Variants in CDH12 observed in about 807,000 individuals in gnomAD.
The protein encoded by CDH12 is cadherin 12.
Under a neutral mutation model 74.1 loss-of-function variants are expected in CDH12, and 41 were observed. That is an observed-to-expected ratio of 0.55 (90% CI 0.43 to 0.72). The LOEUF is 0.72. Ranked by LOEUF, CDH12 falls within the 30% of genes least tolerant of loss-of-function variation. The probability of loss-of-function intolerance (pLI) is 0.00; values close to 1 mark genes in which losing one functional copy is unlikely to be tolerated. For missense variants in CDH12, 945 were observed against 977.2 expected (o/e 0.97, Z 0.44); for synonymous variants, 399 against 355.0 (o/e 1.12, Z -1.39).
chr5:22,471,538 C>T (rs548107023), intron 2 of CDH12, among the ~76,000 whole-genome samples: 2 of 152,278 alleles, frequency 1.3e-5, no homozygotes, highest in East Asian at 1.9e-4. Flanking sequence ...ACATACAAGG[C>T]TACATTTGTT....
intron 6 of CDH12, among the ~76,000 whole-genome samples, chr5:21,929,708 G>A (rs557097515): frequency 6.6e-5 from 10 of 152,058 alleles, no homozygotes; most frequent in South Asian, 4.2e-4. Context: ...TTGTAGAGGC[G>A]GGGTTCACCA....
chr5:22,276,046 C>A (rs572733602), intron 3 of CDH12, among the ~76,000 whole-genome samples: 10 of 152,058 alleles, frequency 6.6e-5, no homozygotes, highest in Middle Eastern at 6.8e-3. Context: ...AAATCAATTT[C>A]TTTTATTCAT....
At chr5:22,833,624 T>G (rs58611176) in intron 1 of CDH12, among the ~76,000 whole-genome samples, 1 of 152,196 alleles carries the variant, frequency 6.6e-6, no homozygotes, top group African/African-American at 2.4e-5. Flanking sequence ...AACTAGGTCA[T>G]GGTTTCTTTT....
intron 3 of CDH12, among the ~76,000 whole-genome samples, chr5:22,213,952 T>C (rs1241778205): frequency 6.6e-6 from 1 of 151,920 alleles, no homozygotes; most frequent in Non-Finnish European, 1.5e-5. Flanking sequence ...CTTGCGTGTG[T>C]GTGTGAGAAA....
At chr5:22,624,570 C>T (rs1738169843) in intron 1 of CDH12, among the ~76,000 whole-genome samples, 1 of 152,196 alleles carries the variant, frequency 6.6e-6, no homozygotes, top group East Asian at 1.9e-4. Flanking sequence ...TGCTCATCAT[C>T]ACTGGCCATC....
intron 6 of CDH12, chr5:21,882,684 G>A (rs1752419864): frequency 6.3e-7 from 1 of 1,596,886 alleles, no homozygotes; most frequent in Non-Finnish European, 8.5e-7. Context: ...GTAAAATTTG[G>A]TGCAGATGCC....
At chr5:22,777,825 T>G (rs1238700565) in intron 1 of CDH12, among the ~76,000 whole-genome samples, 1 of 151,916 alleles carries the variant, frequency 6.6e-6, no homozygotes. Flanking sequence ...ATATCAATAT[T>G]TTTTTTGAGA....
rs534544377 is a variant in CDH12, at chr5:22,511,731, T to C, written c.-522-6367A>G. Among the ~76,000 whole-genome samples the C allele has an allele frequency of 3.3e-5, 5 of 152,350 alleles. No homozygotes were observed. The East Asian group carries it at 5.8e-4, about 18-fold the overall frequency. On this transcript the variant is annotated intron_variant, in intron 1 of 14. Transcript: ENST00000382254. Reference sequence around the variant, plus strand: ...ACCTGGACCGCAGGAATTCTGCTCCTATATGCATGTCTAAACAAAGTCTTG... The same window carrying C: ...ACCTGGACCGCAGGAATTCTGCTCCCATATGCATGTCTAAACAAAGTCTTG...
At chr5:22,234,320 T>TG (rs1752487931) in intron 3 of CDH12, among the ~76,000 whole-genome samples, 1 of 152,120 alleles carries the variant, frequency 6.6e-6, no homozygotes, top group African/African-American at 2.4e-5. Context: ...GGGAAGGACC[T>TG]GGAAAGGGGG....
At chr5:22,065,632 C>T (rs563239521) in intron 5 of CDH12, among the ~76,000 whole-genome samples, 2 of 152,196 alleles carry the variant, frequency 1.3e-5, no homozygotes, top group East Asian at 1.9e-4. Flanking sequence ...AGAGGACACA[C>T]CTTTCACCAC....
At chr5:22,208,890 T>C (rs1173291642) in intron 4 of CDH12, among the ~76,000 whole-genome samples, 1 of 152,234 alleles carries the variant, frequency 6.6e-6, no homozygotes, top group Non-Finnish European at 1.5e-5. Context: ...ACATATACTT[T>C]GTGTTTTCTG....
intron 10 of CDH12, among the ~76,000 whole-genome samples, chr5:21,800,716 T>C (rs898151801): frequency 6.6e-6 from 1 of 152,190 alleles, no homozygotes; most frequent in African/African-American, 2.4e-5. Flanking sequence ...TTGTAATCCC[T>C]ACATGTTGAA....
intron 5 of CDH12, among the ~76,000 whole-genome samples, chr5:22,038,323 C>G (rs894799995): frequency 2.0e-5 from 3 of 152,114 alleles, no homozygotes; most frequent in Non-Finnish European, 4.4e-5. Flanking sequence ...TGGAGCCACC[C>G]CACTCCCAGT....
At chr5:22,477,914 G>T (rs887715058) in intron 2 of CDH12, among the ~76,000 whole-genome samples, 8 of 152,100 alleles carry the variant, frequency 5.3e-5, no homozygotes, top group Non-Finnish European at 7.4e-5. Context: ...CTCTGAGAAT[G>T]ATAAAAATGA....
chr5:22,059,376 TATCTATCTATCTATCTATGTATC>T (rs1215574179), intron 5 of CDH12, among the ~76,000 whole-genome samples: 1 of 86,190 alleles, frequency 1.2e-5, no homozygotes, highest in Non-Finnish European at 2.1e-5. Context: ...TCTATCTATC[TATCTATCTATCTATCTATGTATC>T]TACTTTTAAA....
chr5:22,423,206 TA>T (rs58915238), intron 2 of CDH12, among the ~76,000 whole-genome samples: 2,685 of 121,382 alleles, frequency 0.022, 45 homozygotes, highest in East Asian at 0.074. Context: ...GTAAACACAG[TA>T]AAAAAAAAAA....
At chr5:22,334,203 G>C (rs1117503) in intron 3 of CDH12, among the ~76,000 whole-genome samples, 53,477 of 151,408 alleles carry the variant, frequency 0.35, 9,693 homozygotes, top group South Asian at 0.47. Context: ...TGTTTTAACA[G>C]TAAGCAATCT....
chr5:21,879,763 T>C (rs1752143160), intron 6 of CDH12, among the ~76,000 whole-genome samples: 1 of 152,142 alleles, frequency 6.6e-6, no homozygotes. Flanking sequence ...TATAGCTAGA[T>C]CAGATTACCC....
rs183872638 is a variant in CDH12, at chr5:22,727,429, T to C, written c.-523+125629A>G. On this transcript the variant is annotated intron_variant, in intron 1 of 14. Coordinates refer to ENST00000382254, the MANE Select transcript of CDH12 (RefSeq NM_004061.5). ...GGTTTTTTTGGTATTGTAACTCATC[T>C]TGCTAGAAAAGACAAGAAAATTATA... 3.3e-5 allele frequency among the ~76,000 whole-genome samples: 5 copies of C among 151,874 alleles called. No homozygotes were observed. The East Asian group carries it at 9.7e-4, about 29-fold the overall frequency.
Sources: gnomAD v4.1 joint callset for allele counts (sites outside exome capture counted in the v4.1 genomes callset) on GRCh38, gnomAD v4.1.1 for gene constraint, MANE v1.5 for transcripts, NCBI Gene and HGNC (gene_info 2026-07-23, HGNC 2026-07-21) for gene names.